Variants in TGFB2 observed in about 807,000 individuals in gnomAD.
The protein encoded by TGFB2 is transforming growth factor beta-2 proprotein.
In TGFB2, 13 loss-of-function variants were observed where a neutral mutation model predicts 42.7. The ratio of observed to expected loss-of-function variants is 0.30; its 90% CI spans 0.20 to 0.48. The LOEUF (loss-of-function observed/expected upper bound fraction) is 0.48. TGFB2 is among the 20% of genes least tolerant of loss of function. TGFB2 has a pLI of 0.99. For synonymous variants in TGFB2, 193 were observed against 193.6 expected, an observed-to-expected ratio of 1.00 and a Z score of 0.03; for missense variants, 390 against 517.5, an observed-to-expected ratio of 0.75 and a Z score of 2.39.
intron 2 of TGFB2, among the ~76,000 whole-genome samples, chr1:218,414,227 GCACACACA>G (rs5781033): frequency 4.8e-5 from 7 of 145,876 alleles, no homozygotes; most frequent in South Asian, 2.1e-4. Context: ...AAACACATGT[GCACACACA>G]CACACACACA....
chr1:218,432,232 A>G (rs754182868), intron 2 of TGFB2, among the ~76,000 whole-genome samples: 6 of 152,218 alleles, frequency 3.9e-5, no homozygotes, highest in Non-Finnish European at 7.3e-5. Context: ...TTTGAGGATT[A>G]AATAAAATAA....
At position 218,437,209 on chromosome 1, in the gene TGFB2, A is replaced by G. The variant is rs10482822; in HGVS notation, c.933-134A>G. The G allele has an allele frequency of 7.0e-3, 6,223 of 894,952 alleles. 42 individuals carry two copies. The highest frequency in any genetic ancestry group is 9.8e-3 in the Middle Eastern group (27 of 2,752). The allele number at this position is 894,952 out of a possible 1,614,324, so 55.4% of individuals were successfully genotyped here. On this transcript the variant is annotated intron_variant, in intron 5 of 6. Transcript: ENST00000366930. ...CAATAAAGCCATTAAAACCTGGCCC[A>G]TGATATTTGCTCATTAGATGTTTGT...
chr1:218,442,042 C>T lies in TGFB2; in HGVS notation c.*680C>T, dbSNP rs987361681. On this transcript the variant is annotated 3_prime_UTR_variant, in exon 7 of 7. Transcript: ENST00000366930. ...GAGAAAGTCTGCATTAAGATAAAGACCCTGAAAACACATGTTATGTATCAG... is the reference window on the plus strand; with the variant it reads ...GAGAAAGTCTGCATTAAGATAAAGATCCTGAAAACACATGTTATGTATCAG... 11 of 152,072 alleles carry T rather than the reference C, an allele frequency of 7.2e-5. No individual in the cohort carries two copies. The highest frequency in any genetic ancestry group is 1.9e-4 in the African/African-American group (8 of 41,412). The allele number at this position is 152,072 out of a possible 1,614,324, so 9.4% of individuals were successfully genotyped here.
At chr1:218,388,239 C>G (rs2796814) in intron 1 of TGFB2, among the ~76,000 whole-genome samples, 49,493 of 152,134 alleles carry the variant, frequency 0.33, 9,812 homozygotes, top group African/African-American at 0.56. Flanking sequence ...GTTTTTAAAA[C>G]TCTGTCTGTG....
chr1:218,392,373 C>T (rs1658344464), intron 1 of TGFB2, among the ~76,000 whole-genome samples: 1 of 151,964 alleles, frequency 6.6e-6, no homozygotes, highest in Non-Finnish European at 1.5e-5. Context: ...AACAAACAAA[C>T]AAACAAAAAA....
At chr1:218,366,244 T>C (rs575675798) in intron 1 of TGFB2, among the ~76,000 whole-genome samples, 1 of 152,082 alleles carries the variant, frequency 6.6e-6, no homozygotes, top group South Asian at 2.1e-4. Flanking sequence ...TTAAAAAGAG[T>C]ATTTACTGAA....
At chr1:218,353,460 C>T (rs1656931245) in intron 1 of TGFB2, among the ~76,000 whole-genome samples, 1 of 152,218 alleles carries the variant, frequency 6.6e-6, no homozygotes, top group Non-Finnish European at 1.5e-5. Context: ...TCAGCCCCTC[C>T]TCTCACTAAA....
chr1:218,424,486 A>G (rs1659557339), intron 2 of TGFB2, among the ~76,000 whole-genome samples: 1 of 152,170 alleles, frequency 6.6e-6, no homozygotes, highest in South Asian at 2.1e-4. Flanking sequence ...ATCACCTGGG[A>G]ACTTGTTAGA....
intron 2 of TGFB2, among the ~76,000 whole-genome samples, chr1:218,420,479 A>C (rs925609238): frequency 6.6e-6 from 1 of 152,062 alleles, no homozygotes; most frequent in African/African-American, 2.4e-5. Flanking sequence ...CATCCCTTCA[A>C]CCTGGAGAAA....
chr1:218,398,265 G>C (rs1658589288), intron 1 of TGFB2, among the ~76,000 whole-genome samples: 1 of 152,248 alleles, frequency 6.6e-6, no homozygotes, highest in Non-Finnish European at 1.5e-5. Flanking sequence ...CTCACTTTAA[G>C]AACCACTGCT....
intron 2 of TGFB2, among the ~76,000 whole-genome samples, chr1:218,420,871 T>C (rs536893483): frequency 6.6e-6 from 1 of 152,336 alleles, no homozygotes. Flanking sequence ...CTGAGGCTGA[T>C]ATGTATTCCA....
At chr1:218,372,091 A>C (rs568714761) in intron 1 of TGFB2, among the ~76,000 whole-genome samples, 3 of 151,920 alleles carry the variant, frequency 2.0e-5, no homozygotes, top group Admixed American at 6.6e-5. Context: ...TTATCTCCAC[A>C]GCCTATTCTT....
chr1:218,427,123 T>C (rs1412093566), intron 2 of TGFB2, among the ~76,000 whole-genome samples: 5 of 152,148 alleles, frequency 3.3e-5, no homozygotes, highest in African/African-American at 9.7e-5. Context: ...ATACATAATA[T>C]AAACATTACA....
intron 1 of TGFB2, among the ~76,000 whole-genome samples, chr1:218,382,625 T>C (rs1040194911): frequency 8.5e-5 from 13 of 152,212 alleles, no homozygotes; most frequent in African/African-American, 3.1e-4. Flanking sequence ...TTTTCTCTAC[T>C]TACTTCACAG....
intron 1 of TGFB2, among the ~76,000 whole-genome samples, chr1:218,397,621 A>G (rs956185226): frequency 1.3e-4 from 20 of 151,684 alleles, no homozygotes; most frequent in Admixed American, 6.6e-4. Flanking sequence ...TTCTTTGTAG[A>G]TTTCTTTTCT....
chr1:218,406,141 G>A (rs984883528), intron 2 of TGFB2, among the ~76,000 whole-genome samples: 6 of 148,936 alleles, frequency 4.0e-5, no homozygotes, highest in African/African-American at 9.9e-5. Flanking sequence ...ACTTTATCCC[G>A]TTTCCTTTTC....
In TGFB2 at chr1:218,346,357, C is replaced by T. The variant is rs1656676485; in HGVS notation, c.-345C>T. On this transcript the variant is annotated 5_prime_UTR_variant, in exon 1 of 7. Coordinates refer to ENST00000366930, the MANE Select transcript of TGFB2 (RefSeq NM_003238.6). This position sits in a 1 kb window ranked among gnomAD's most constrained non-coding sequence, Gnocchi z 4.9. Reference sequence around the variant, plus strand: ...GAGACTGACACACTGAACTCCACTTCCTCCTCTTAAATTTATTTCTACTTA... The same window carrying T: ...GAGACTGACACACTGAACTCCACTTTCTCCTCTTAAATTTATTTCTACTTA... 4.9e-6 allele frequency: 1 copy of T among 204,964 alleles called. No individual in the cohort carries two copies. The highest frequency in any genetic ancestry group is 1.4e-4 in the East Asian group (1 of 7,376). 12.7% of individuals were successfully genotyped at this position (204,964 alleles called of 1,614,324 possible).
chr1:218,434,193 CAT>C lies in TGFB2; in HGVS notation c.623_624del (p.His208ArgfsTer6). 6.2e-7 allele frequency: 1 copy of C among 1,614,168 alleles called. No individual in the cohort carries two copies. The highest frequency in any genetic ancestry group is 1.1e-5 in the South Asian group (1 of 91,074). ...WLSFDVTDAV[H>X]EWLHHKDRNL... ...CTCCTTCGATGTAACTGATGCTGTTCATGAATGGCTTCACCATAAAGGTTACA... is the reference window on the plus strand; with the variant it reads ...CTCCTTCGATGTAACTGATGCTGTTCGAATGGCTTCACCATAAAGGTTACA... On this transcript the variant is annotated frameshift_variant, in exon 3 of 7. Transcript: ENST00000366930. LOFTEE classifies it high-confidence loss of function.
intron 1 of TGFB2, among the ~76,000 whole-genome samples, chr1:218,379,201 C>T (rs12066658): frequency 0.5 from 74,310 of 148,944 alleles, 18,894 homozygotes; most frequent in East Asian, 0.74. Flanking sequence ...GGTGCGATCT[C>T]GGCTCACTGC....
Sources: allele counts gnomAD v4.1 joint callset (sites outside exome capture counted in the v4.1 genomes callset), GRCh38; gene constraint gnomAD v4.1.1; non-coding constraint Gnocchi (gnomAD v3.1); transcripts MANE v1.5; gene names NCBI Gene and HGNC (gene_info 2026-07-23, HGNC 2026-07-21).